Variants in STARD13 observed in about 807,000 individuals in gnomAD.
STARD13 encodes StAR related lipid transfer domain containing 13, also known as stAR-related lipid transfer protein 13.
In STARD13, 62 loss-of-function variants were observed where a neutral mutation model predicts 106.4. The observed-to-expected ratio is 0.58, with a 90% CI of 0.48 to 0.72. The LOEUF is 0.72. Ranked by LOEUF, STARD13 falls within the 30% of genes least tolerant of loss-of-function variation. The pLI is 0.00. For missense variants in STARD13, 1,387 were observed against 1,424.0 expected, an observed-to-expected ratio of 0.97 and a Z score of 0.42; for synonymous variants, 565 against 553.0, an observed-to-expected ratio of 1.02 and a Z score of -0.31.
At chr13:33,421,755 G>C in the STARD13 span, among the ~76,000 whole-genome samples, 1 of 152,132 alleles carries the variant, frequency 6.6e-6, no homozygotes, top group African/African-American at 2.4e-5. Flanking sequence ...CCACGATCAA[G>C]GTGGCTTCAT....
At chr13:33,455,876 A>G in the STARD13 span, among the ~76,000 whole-genome samples, 18 of 152,260 alleles carry the variant, frequency 1.2e-4, no homozygotes, top group South Asian at 2.1e-4. Context: ...CCTGGGAGGC[A>G]GAGGTTGCAG....
rs747665899 is a variant in STARD13 at position 33,110,918 on chromosome 13, G to C, written c.2608-11C>G. The C allele has an allele frequency of 3.1e-6, 5 of 1,609,278 alleles. No individual in the cohort carries two copies. In the African/African-American group the frequency reaches 6.7e-5, roughly 22 times the overall value. Reference sequence around the variant, plus strand: ...CAACTCGTGTGGAACCTAGACCAACGGATGCATGAAAGGGCAACACACTGA... The same window carrying C: ...CAACTCGTGTGGAACCTAGACCAACCGATGCATGAAAGGGCAACACACTGA... On this transcript the variant is annotated splice_polypyrimidine_tract_variant and intron_variant, in intron 10 of 13. Coordinates refer to ENST00000336934, the MANE Select transcript of STARD13 (RefSeq NM_178006.4).
chr13:33,558,807 ACT>A, the STARD13 span, among the ~76,000 whole-genome samples: 2 of 151,552 alleles, frequency 1.3e-5, no homozygotes, highest in African/African-American at 4.9e-5. Context: ...TTATAGCAGT[ACT>A]CTGTCTGCTA....
the STARD13 span, among the ~76,000 whole-genome samples, chr13:33,566,232 T>A: frequency 6.7e-6 from 1 of 148,266 alleles, no homozygotes; most frequent in East Asian, 2.0e-4. Context: ...TTATTCTGTT[T>A]TATTATTAGT....
the STARD13 span, among the ~76,000 whole-genome samples, chr13:33,508,925 A>T: frequency 6.6e-6 from 1 of 152,302 alleles, no homozygotes; most frequent in African/African-American, 2.4e-5. Context: ...ACAGCATGCT[A>T]TTTTACTGAA....
chr13:33,238,545 TG>T (rs1889310424), intron 1 of STARD13, among the ~76,000 whole-genome samples: 1 of 152,164 alleles, frequency 6.6e-6, no homozygotes, highest in African/African-American at 2.4e-5. Context: ...TTTGAAATTT[TG>T]GTTGGGGATC....
At chr13:33,455,801 G>A in the STARD13 span, among the ~76,000 whole-genome samples, 4 of 151,956 alleles carry the variant, frequency 2.6e-5, no homozygotes, top group South Asian at 2.1e-4. Flanking sequence ...AAAATTAGCC[G>A]GGCATGGTGG....
At chr13:33,363,651 C>T in the STARD13 span, among the ~76,000 whole-genome samples, 2 of 152,338 alleles carry the variant, frequency 1.3e-5, no homozygotes, top group African/African-American at 4.8e-5. Context: ...AGTGCCTTTG[C>T]ACGTGTTCTT....
At position 33,223,691 on chromosome 13, in the gene STARD13, T is replaced by C. The variant is rs904651918; in HGVS notation, c.170-56069A>G. On this transcript the variant is annotated intron_variant, in intron 1 of 13. Coordinates refer to ENST00000336934, the MANE Select transcript of STARD13 (RefSeq NM_178006.4). ...TATATATATATAATTCTATGTATAG[T>C]AGTTAAAAGTGTGGGCTCTGGAGCC... Among the ~76,000 whole-genome samples the C allele has an allele frequency of 6.6e-5, 10 of 152,040 alleles. No individual in the cohort carries two copies. In the East Asian group the frequency reaches 1.9e-3, roughly 29 times the overall value.
At position 33,205,859 on chromosome 13, in the gene STARD13, A is replaced by T. The variant is rs912221526; in HGVS notation, c.170-38237T>A. The T allele has an allele frequency of 4.1e-6, 4 of 985,326 alleles. No homozygotes were observed. The African/African-American group carries it at 7.0e-5, about 17-fold the overall frequency. The allele number at this position is 985,326 out of a possible 1,614,324, so 61.0% of individuals were successfully genotyped here. A position where few individuals can be genotyped will look rare whatever the true frequency, so the allele number is the denominator to read the frequency against. ...CCTTAGGCTGTGCTGTACCTTTCAA[A>T]CAAAACCCCTCTCTTCTTCAATTCA... On this transcript the variant is annotated intron_variant, in intron 1 of 13. Coordinates refer to ENST00000336934, the MANE Select transcript of STARD13 (RefSeq NM_178006.4).
At chr13:33,563,218 A>G in the STARD13 span, among the ~76,000 whole-genome samples, 21 of 147,324 alleles carry the variant, frequency 1.4e-4, 5 homozygotes, top group African/African-American at 5.1e-4. Flanking sequence ...TCACAGAAAT[A>G]GAAAAAAAAT....
At chr13:33,565,972 G>A in the STARD13 span, among the ~76,000 whole-genome samples, 2 of 148,436 alleles carry the variant, frequency 1.3e-5, 1 homozygote, top group South Asian at 4.3e-4. Context: ...CCCCTTATCT[G>A]TAGTTTCACT....
chr13:33,231,255 G>A (rs1045737864), intron 1 of STARD13, among the ~76,000 whole-genome samples: 1 of 152,178 alleles, frequency 6.6e-6, no homozygotes, highest in Non-Finnish European at 1.5e-5. Context: ...GCAGCCATCG[G>A]TGCATAAGGC....
intron 3 of STARD13, chr13:33,158,780 T>A (rs1044939180): frequency 1.3e-5 from 2 of 152,290 alleles, no homozygotes; most frequent in Middle Eastern, 3.4e-3. Flanking sequence ...TCCTTCTGCC[T>A]GCTTTCTGCT....
chr13:33,533,296 C>T, the STARD13 span, among the ~76,000 whole-genome samples: 2 of 152,116 alleles, frequency 1.3e-5, no homozygotes, highest in Non-Finnish European at 2.9e-5. Context: ...GAGAAGCCAA[C>T]CCCCACAGGC....
chr13:33,113,879 G>T (rs1372238255), intron 8 of STARD13, among the ~76,000 whole-genome samples: 3 of 152,286 alleles, frequency 2.0e-5, no homozygotes, highest in East Asian at 3.9e-4. Context: ...TTTATTTCAT[G>T]ATCACTTTAG....
the STARD13 span, among the ~76,000 whole-genome samples, chr13:33,516,393 C>T: frequency 1.0e-3 from 153 of 150,790 alleles, no homozygotes; most frequent in African/African-American, 3.5e-3. Context: ...GAATGAATTC[C>T]ATCATCATAT....
At chr13:33,113,937 T>G (rs1489863805) in intron 8 of STARD13, among the ~76,000 whole-genome samples, 1 of 152,188 alleles carries the variant, frequency 6.6e-6, no homozygotes, top group East Asian at 1.9e-4. Context: ...CTGTCAACAC[T>G]GTTGTCTTTC....
At chr13:33,379,225 G>A in the STARD13 span, among the ~76,000 whole-genome samples, 5 of 152,148 alleles carry the variant, frequency 3.3e-5, no homozygotes, top group African/African-American at 1.2e-4. Context: ...TCCTTAGAGA[G>A]CTCTTATGAC....
Sources: allele counts gnomAD v4.1 joint callset (sites outside exome capture counted in the v4.1 genomes callset), GRCh38; gene constraint gnomAD v4.1.1; transcripts MANE v1.5; gene names NCBI Gene and HGNC (gene_info 2026-07-23, HGNC 2026-07-21).